Variants in GPC6 observed in about 807,000 individuals in gnomAD.
GPC6 encodes glypican 6.
GPC6 carries 14 observed loss-of-function variants against 55.2 expected under a neutral mutation model. The ratio of observed to expected loss-of-function variants is 0.25; its 90% CI spans 0.17 to 0.40. The LOEUF (loss-of-function observed/expected upper bound fraction) is 0.40. GPC6 is among the 10% of genes least tolerant of loss of function. The pLI is 1.00. For synonymous variants in GPC6, 278 were observed against 259.6 expected (o/e 1.07, Z -0.68); for missense variants, 641 against 708.5 (o/e 0.90, Z 1.08).
intron 2 of GPC6, among the ~76,000 whole-genome samples, chr13:93,591,571 AT>A (rs1877489617): frequency 6.6e-6 from 1 of 152,008 alleles, no homozygotes; most frequent in Admixed American, 6.6e-5. Context: ...ATGATTTTAT[AT>A]TCTTGGGGTT....
At chr13:93,757,542 C>G (rs1884816882) in intron 2 of GPC6, among the ~76,000 whole-genome samples, 1 of 152,182 alleles carries the variant, frequency 6.6e-6, no homozygotes, top group South Asian at 2.1e-4. Flanking sequence ...AGGATTAGAG[C>G]AAAATAACCT....
At chr13:94,348,898 GC>G (rs1385418628) in intron 6 of GPC6, among the ~76,000 whole-genome samples, 1 of 152,110 alleles carries the variant, frequency 6.6e-6, no homozygotes, top group Non-Finnish European at 1.5e-5. Flanking sequence ...ATTCAACAGA[GC>G]AAAAACGAAA....
intron 6 of GPC6, among the ~76,000 whole-genome samples, chr13:94,346,719 CAAAAA>C (rs35478457): frequency 8.8e-6 from 1 of 114,118 alleles, no homozygotes; most frequent in African/African-American, 3.3e-5. Flanking sequence ...AGACTCCTCT[CAAAAA>C]AAAAAAAAAA....
intron 1 of GPC6, among the ~76,000 whole-genome samples, chr13:93,425,457 G>A (rs1343105345): frequency 2.6e-5 from 4 of 152,170 alleles, no homozygotes; most frequent in Non-Finnish European, 1.5e-5. Context: ...CTGGAAGCTG[G>A]CATCAGGCTG....
intron 2 of GPC6, among the ~76,000 whole-genome samples, chr13:93,709,542 G>A (rs1285494535): frequency 6.6e-6 from 1 of 151,898 alleles, no homozygotes; most frequent in Non-Finnish European, 1.5e-5. Context: ...TCTCTTGAGA[G>A]GTTTCCATAA....
intron 2 of GPC6, among the ~76,000 whole-genome samples, chr13:93,597,683 G>T (rs1424973678): frequency 6.6e-6 from 1 of 152,088 alleles, no homozygotes; most frequent in African/African-American, 2.4e-5. Flanking sequence ...TCATGAATAA[G>T]TAATATATTT....
chr13:93,997,703 A>G (rs985028621), intron 3 of GPC6, among the ~76,000 whole-genome samples: 1 of 152,146 alleles, frequency 6.6e-6, no homozygotes, highest in African/African-American at 2.4e-5. Context: ...TTAGCAATAT[A>G]GTAGTGAAGA....
rs549010960 is a variant in GPC6, at chr13:93,363,672, A to G, written c.160+136056A>G. Among the ~76,000 whole-genome samples, 141 of 151,724 alleles carry G rather than the reference A, an allele frequency of 9.3e-4. 1 individual carries two copies. Among genetic ancestry groups the G allele is most frequent in the Admixed American group, 2.3e-3 (35 of 15,224 alleles). ...CCCAGTAATGGGATGGCTGGGTCAAATGGTATTTCTAGTTCTAGATCCCTG... is the reference window on the plus strand; with the variant it reads ...CCCAGTAATGGGATGGCTGGGTCAAGTGGTATTTCTAGTTCTAGATCCCTG... On this transcript the variant is annotated intron_variant, in intron 1 of 8. Coordinates refer to ENST00000377047, the MANE Select transcript of GPC6 (RefSeq NM_005708.5).
intron 1 of GPC6, among the ~76,000 whole-genome samples, chr13:93,379,297 G>A (rs1875056350): frequency 1.3e-5 from 2 of 149,548 alleles, no homozygotes; most frequent in African/African-American, 4.9e-5. Flanking sequence ...TGAAAGTGAG[G>A]CTATACATCA....
chr13:93,608,480 A>G (rs1221551036), intron 2 of GPC6, among the ~76,000 whole-genome samples: 1 of 152,198 alleles, frequency 6.6e-6, no homozygotes, highest in Non-Finnish European at 1.5e-5. Context: ...AAGTATTTTA[A>G]GCAATGTGTT....
At chr13:94,110,077 A>G (rs1037479997) in intron 4 of GPC6, among the ~76,000 whole-genome samples, 59 of 151,608 alleles carry the variant, frequency 3.9e-4, no homozygotes, top group Non-Finnish European at 5.9e-4. Flanking sequence ...AAAAAAAAAA[A>G]AAAAGAAAAG....
chr13:94,068,176 A>G (rs1471604832), intron 4 of GPC6, among the ~76,000 whole-genome samples: 2 of 152,184 alleles, frequency 1.3e-5, no homozygotes, highest in Non-Finnish European at 2.9e-5. Context: ...CCTTACAGTC[A>G]TGGTGGAAGG....
chr13:94,296,305 T>A (rs1049665746), intron 5 of GPC6, among the ~76,000 whole-genome samples: 3 of 152,214 alleles, frequency 2.0e-5, no homozygotes, highest in Non-Finnish European at 2.9e-5. Context: ...GCTTTCACTT[T>A]AACTTCAGGG....
At chr13:93,747,878 G>C (rs539603434) in intron 2 of GPC6, among the ~76,000 whole-genome samples, 1 of 152,286 alleles carries the variant, frequency 6.6e-6, no homozygotes, top group South Asian at 2.1e-4. Context: ...GCAGTTACCT[G>C]TTTAGATGCC....
chr13:94,333,170 C>T (rs1169255029), intron 6 of GPC6, among the ~76,000 whole-genome samples: 2 of 152,132 alleles, frequency 1.3e-5, no homozygotes, highest in African/African-American at 2.4e-5. Flanking sequence ...ATACTCAGGG[C>T]GTCCCTTAAT....
intron 1 of GPC6, among the ~76,000 whole-genome samples, chr13:93,327,843 T>C (rs753793860): frequency 2.6e-5 from 4 of 152,012 alleles, no homozygotes; most frequent in Non-Finnish European, 5.9e-5. Flanking sequence ...TAAACTCATA[T>C]TTTAAGCCTT....
intron 4 of GPC6, among the ~76,000 whole-genome samples, chr13:94,109,661 G>A (rs1001160661): frequency 1.3e-5 from 2 of 152,150 alleles, no homozygotes; most frequent in Non-Finnish European, 1.5e-5. Flanking sequence ...AATGTAGTCA[G>A]TATGGTACCT....
chr13:93,725,727 C>T (rs1331777277), intron 2 of GPC6, among the ~76,000 whole-genome samples: 3 of 151,960 alleles, frequency 2.0e-5, no homozygotes, highest in Non-Finnish European at 2.9e-5. Context: ...GTTAACAAAG[C>T]ATCTATATCC....
intron 2 of GPC6, among the ~76,000 whole-genome samples, chr13:93,783,842 T>C (rs1021795627): frequency 1.3e-5 from 2 of 152,202 alleles, no homozygotes; most frequent in Non-Finnish European, 2.9e-5. Flanking sequence ...TAGAATAATC[T>C]TGCTGTTTAT....
Sources: allele counts gnomAD v4.1 joint callset (sites outside exome capture counted in the v4.1 genomes callset), GRCh38; gene constraint gnomAD v4.1.1; transcripts MANE v1.5; gene names NCBI Gene and HGNC (gene_info 2026-07-23, HGNC 2026-07-21).